The following ADRA1B variants were observed in gnomAD, a reference collection of about 807,000 sequenced individuals.
ADRA1B encodes alpha-1B adrenergic receptor.
A neutral mutation model predicts 17.9 loss-of-function variants in ADRA1B; 17 were observed. The observed-to-expected ratio is 0.95, with a 90% confidence interval of 0.65 to 1.42. The LOEUF is 1.42. Among genes scored for constraint, ADRA1B ranks in the 40% most tolerant of loss-of-function variants. The pLI is 0.00. For missense variants in ADRA1B, 681 were observed against 722.1 expected (o/e 0.94, Z 0.65); for synonymous variants, 366 against 327.6 (o/e 1.12, Z -1.27).
chr5:159,893,160 C>A (rs544950056), intron 1 of ADRA1B, among the ~76,000 whole-genome samples: 1 of 152,254 alleles, frequency 6.6e-6, no homozygotes, highest in East Asian at 1.9e-4. Context: ...AACTTATATT[C>A]TTTGAAGCAG....
At chr5:159,921,101 C>T (rs1041325127) in intron 1 of ADRA1B, among the ~76,000 whole-genome samples, 1 of 152,166 alleles carries the variant, frequency 6.6e-6, no homozygotes, top group South Asian at 2.1e-4. Flanking sequence ...CATTTGTTTT[C>T]CTTCATCTCT....
upstream of ADRA1B, among the ~76,000 whole-genome samples, chr5:159,912,442 A>T (rs976341136): frequency 6.6e-6 from 1 of 152,228 alleles, no homozygotes; most frequent in African/African-American, 2.4e-5. Context: ...AAGGCAAGGA[A>T]GACTAACCTA....
At chr5:159,932,285 T>C (rs1754831925) in intron 1 of ADRA1B, among the ~76,000 whole-genome samples, 1 of 152,108 alleles carries the variant, frequency 6.6e-6, no homozygotes, top group African/African-American at 2.4e-5. Context: ...TCCTCCCAAG[T>C]AGCAGGGACC....
chr5:159,903,666 A>G (rs890271394), intron 1 of ADRA1B, among the ~76,000 whole-genome samples: 2 of 152,066 alleles, frequency 1.3e-5, no homozygotes, highest in African/African-American at 4.8e-5. Context: ...GGCCACATTC[A>G]CTCAGCTCCA....
At chr5:159,959,716 C>T (rs1755629181) in intron 1 of ADRA1B, among the ~76,000 whole-genome samples, 1 of 151,046 alleles carries the variant, frequency 6.6e-6, no homozygotes, top group African/African-American at 2.4e-5. Context: ...TTTTAATAGC[C>T]AGATAAAATA....
At chr5:159,938,282 G>A (rs10515806) in intron 1 of ADRA1B, among the ~76,000 whole-genome samples, 19,843 of 152,128 alleles carry the variant, frequency 0.13, 1,491 homozygotes, top group Non-Finnish European at 0.16. Context: ...TAATCCTCAG[G>A]TGTTAATTCA....
At chr5:159,950,879 G>A in intron 1 of ADRA1B, 2 of 588,004 alleles carry the variant, frequency 3.4e-6, no homozygotes, top group Non-Finnish European at 6.5e-6. Flanking sequence ...AGTAGAGGCA[G>A]GGGTGATGTT....
intron 1 of ADRA1B, among the ~76,000 whole-genome samples, chr5:159,937,317 G>A (rs1019024097): frequency 9.2e-5 from 14 of 152,300 alleles, no homozygotes; most frequent in South Asian, 4.1e-4. Context: ...CTCCTTTCCC[G>A]ATGAGAAAAA....
intron 1 of ADRA1B, among the ~76,000 whole-genome samples, chr5:159,872,303 G>A (rs541610912): frequency 9.9e-5 from 15 of 152,264 alleles, no homozygotes; most frequent in Non-Finnish European, 2.1e-4. Flanking sequence ...GAAGCAGGGA[G>A]GGAGAAATGC....
At chr5:159,896,498 T>C (rs962123649) in intron 1 of ADRA1B, among the ~76,000 whole-genome samples, 3 of 152,228 alleles carry the variant, frequency 2.0e-5, no homozygotes, top group African/African-American at 4.8e-5. Context: ...GGAATTCTCA[T>C]GTTCCTTCTG....
rs745860470 is a variant in ADRA1B at position 159,926,615 on chromosome 5, G to A, written c.949+8761G>A. Reference sequence around the variant, plus strand: ...TAAATAAGGAAATGGGGCCAGCCATGGTGGCTCAAACCTGTAATCCCAGCA... The same window carrying A: ...TAAATAAGGAAATGGGGCCAGCCATAGTGGCTCAAACCTGTAATCCCAGCA... On this transcript the variant is annotated intron_variant, in intron 1 of 1. Coordinates refer to ENST00000306675, the MANE Select transcript of ADRA1B (RefSeq NM_000679.4). Among the ~76,000 whole-genome samples, 12 of 152,112 alleles carry A rather than the reference G, an allele frequency of 7.9e-5. No individual in the cohort carries two copies. In the East Asian group the frequency reaches 1.7e-3, roughly 22 times the overall value.
chr5:159,924,104 G>T (rs897778757), intron 1 of ADRA1B, among the ~76,000 whole-genome samples: 1 of 152,264 alleles, frequency 6.6e-6, no homozygotes, highest in Non-Finnish European at 1.5e-5. Flanking sequence ...GGCACCCAGA[G>T]ATTTTACTGG....
intron 1 of ADRA1B, chr5:159,888,496 C>T (rs995710677): frequency 6.6e-6 from 1 of 152,084 alleles, no homozygotes; most frequent in Non-Finnish European, 1.5e-5. Flanking sequence ...TACCAAATTA[C>T]CATGTATATC....
intron 1 of ADRA1B, among the ~76,000 whole-genome samples, chr5:159,873,135 A>G (rs555098486): frequency 2.0e-5 from 3 of 152,300 alleles, no homozygotes; most frequent in South Asian, 2.1e-4. Flanking sequence ...ATAGTATTCC[A>G]TAGTGTATAT....
chr5:159,972,305 C>G lies in ADRA1B; in HGVS notation c.1376C>G (p.Pro459Arg). ...GGCGCCCTCCTGAGCCTGCCCGCGC[C>G]TGAGCCCCCCGGCCGCCGCGGCCGC... ...APGALLSLPA[P>R]EPPGRRGRHD... The change falls in exon 2 of 2, where the codon CCT becomes CGT. Residue 459 changes from proline to arginine, a missense_variant. Physicochemically the swap from Pro to Arg is moderately radical, Grantham distance 103 (BLOSUM62 -2). Around this residue, in one of 3 missense-constraint regions of ADRA1B, gnomAD observed 251 missense variants for 224.9 expected, o/e 1.12. Transcript: ENST00000306675. 7.0e-7 allele frequency: 1 copy of G among 1,429,606 alleles called. No homozygotes were observed. Among genetic ancestry groups the G allele is most frequent in the Non-Finnish European group, 9.1e-7 (1 of 1,097,162 alleles). The allele number at this position is 1,429,606 out of a possible 1,614,324, so 88.6% of individuals were successfully genotyped here. A position where few individuals can be genotyped will look rare whatever the true frequency, so the allele number is the denominator to read the frequency against.
chr5:159,984,323 A>G, the ADRA1B span, among the ~76,000 whole-genome samples: 71 of 152,204 alleles, frequency 4.7e-4, no homozygotes, highest in African/African-American at 1.6e-3. Context: ...TTTCTTTCCC[A>G]CAATGGCTGC....
Position 159,890,204 on chromosome 5 carries a change from T to C in ADRA1B, c.-256+24998T>C, listed in dbSNP as rs1430616317. Among the ~76,000 whole-genome samples, 7 of 152,266 alleles carry C rather than the reference T, an allele frequency of 4.6e-5. No homozygotes were observed. In the East Asian group the frequency reaches 1.4e-3, roughly 29 times the overall value. On this transcript the variant is annotated intron_variant, in intron 1 of 2. Coordinates refer to the ADRA1B transcript ENST00000641205. ...AAGCTCTTGGTTCAGTTGCATTTCC[T>C]GCCATCTCCCAGACCATAGATGGCC...
chr5:159,919,067 C>G (rs1414422577), intron 1 of ADRA1B, among the ~76,000 whole-genome samples: 1 of 152,058 alleles, frequency 6.6e-6, no homozygotes. Context: ...GAGAAAAATG[C>G]AAACAGAAAG....
chr5:159,894,843 C>G (rs1333783385), intron 1 of ADRA1B, among the ~76,000 whole-genome samples: 2 of 152,104 alleles, frequency 1.3e-5, no homozygotes, highest in South Asian at 2.1e-4. Flanking sequence ...AAAAGGAGAA[C>G]TACTACCATT....
Sources: allele counts gnomAD v4.1 joint callset (sites outside exome capture counted in the v4.1 genomes callset), GRCh38; gene constraint gnomAD v4.1.1; regional missense constraint gnomAD v4.1.1; transcripts MANE v1.5; gene names NCBI Gene and HGNC (gene_info 2026-07-23, HGNC 2026-07-21).